UGT1A10: variants seen among roughly 807,000 people sequenced by gnomAD.
UGT1A10 encodes UDP-glucuronosyltransferase 1A10.
A neutral mutation model predicts 45.8 loss-of-function variants in UGT1A10; 49 were observed. The observed-to-expected ratio is 1.07, with a 90% CI of 0.85 to 1.36. The LOEUF (loss-of-function observed/expected upper bound fraction) is 1.36, where lower values mean the gene tolerates loss of function less well. UGT1A10 is among the 40% of genes most tolerant of loss of function. The pLI, the probability that UGT1A10 is intolerant of heterozygous loss-of-function variation, is 0.00. For missense variants in UGT1A10, 745 were observed against 668.6 expected (o/e 1.11, Z -1.26); for synonymous variants, 284 against 249.7 (o/e 1.14, Z -1.29).
rs1402527560 is a variant in UGT1A10, at chr2:233,772,791, CAT to C, written c.*233_*234del. On this transcript the variant is annotated 3_prime_UTR_variant, in exon 5 of 5. Transcript: ENST00000344644. Reference sequence around the variant, plus strand: ...CCTCTGGTGTCTTTGATCAGGATGACATGTGCCATTTTTCAGAGGACGTGCAG... The same window carrying C: ...CCTCTGGTGTCTTTGATCAGGATGACGTGCCATTTTTCAGAGGACGTGCAG... The C allele has an allele frequency of 3.3e-6, 4 of 1,224,574 alleles. No homozygotes were observed. The highest frequency in any genetic ancestry group is 1.7e-5 in the South Asian group (1 of 59,936). The allele number at this position is 1,224,574 out of a possible 1,614,324, so 75.9% of individuals were successfully genotyped here. A position where few individuals can be genotyped will look rare whatever the true frequency, so the allele number is the denominator to read the frequency against.
chr2:233,693,624 A>C, intron 1 of UGT1A10: 1 of 1,614,160 alleles, frequency 6.2e-7, no homozygotes, highest in Non-Finnish European at 8.5e-7. Context: ...ACTTTTTCCC[A>C]ACGAGTGGCC....
intron 1 of UGT1A10, among the ~76,000 whole-genome samples, chr2:233,745,661 A>G (rs1429589845): frequency 6.6e-6 from 1 of 151,454 alleles, no homozygotes; most frequent in East Asian, 1.9e-4. Context: ...CAGTGTGAAC[A>G]AAGCAATTTG....
intron 1 of UGT1A10, among the ~76,000 whole-genome samples, chr2:233,746,867 A>G (rs1013887537): frequency 6.6e-6 from 1 of 151,064 alleles, no homozygotes; most frequent in Non-Finnish European, 1.5e-5. Context: ...CAGCCTGATA[A>G]ACGTGGTTAA....
rs751560477 is a variant in UGT1A10 at position 233,754,882 on chromosome 2, G to T, written c.856-12152G>T. 3 of 1,352,084 alleles carry T rather than the reference G, an allele frequency of 2.2e-6. No homozygotes were observed. The African/African-American group carries it at 4.4e-5, about 20-fold the overall frequency. The allele number at this position is 1,352,084 out of a possible 1,614,324, so 83.8% of individuals were successfully genotyped here. On this transcript the variant is annotated intron_variant, in intron 1 of 4. Transcript: ENST00000344644. ...GCAGACCCTCTGCTTCTGCTTCCCA[G>T]GGAGTTCCTCTGACCCCCCAAAATA...
chr2:233,704,968 T>A (rs2075815720), intron 1 of UGT1A10, among the ~76,000 whole-genome samples: 1 of 152,042 alleles, frequency 6.6e-6, no homozygotes, highest in South Asian at 2.1e-4. Flanking sequence ...AAACCCCATC[T>A]CTACTTAAAA....
chr2:233,719,115 G>C lies in UGT1A10; in HGVS notation c.856-47919G>C, dbSNP rs774010631. 3.5e-5 allele frequency: 57 copies of C among 1,614,126 alleles called. No homozygotes were observed. Among genetic ancestry groups the C allele is most frequent in the Non-Finnish European group, 4.5e-5 (53 of 1,180,048 alleles). The stretch of plus-strand genomic sequence containing the variant: ...TCGCGTTACGCTGGGCTACACTCAA[G>C]GGTTCTTTGAAACAGAACATCTTCT... On this transcript the variant is annotated intron_variant, in intron 1 of 4. Transcript: ENST00000344644.
At chr2:233,656,025 G>A (rs982162935) in intron 1 of UGT1A10, among the ~76,000 whole-genome samples, 5 of 152,036 alleles carry the variant, frequency 3.3e-5, no homozygotes, top group Non-Finnish European at 7.4e-5. Flanking sequence ...CATGACCTCT[G>A]GCAAATACCA....
chr2:233,750,287 A>AT (rs1158037876), intron 1 of UGT1A10, among the ~76,000 whole-genome samples: 1 of 151,952 alleles, frequency 6.6e-6, no homozygotes, highest in Non-Finnish European at 1.5e-5. Context: ...GACTGGTGGC[A>AT]TTTTGCCCCT....
In UGT1A10 at chr2:233,637,093, C is replaced by T; in HGVS notation, c.571C>T (p.Pro191Ser). 4 of 1,613,910 alleles carry T rather than the reference C, an allele frequency of 2.5e-6. No homozygotes were observed. Among genetic ancestry groups the T allele is most frequent in the Non-Finnish European group, 3.4e-6 (4 of 1,179,860 alleles). The stretch of plus-strand genomic sequence containing the variant: ...GTGCCCTGCTCCTCTTTCCTATGTC[C>T]CCAATGATCTCTTAGGGTTCTCAGA... ...AQCPAPLSYV[P>S]NDLLGFSDAM... Residue 191 changes from proline to serine, a missense_variant, in exon 1 of 5, where the codon CCC (proline) becomes TCC (serine). By Grantham distance (74) the Pro-to-Ser change is moderately conservative. Transcript: ENST00000344644.
At chr2:233,698,855 T>C (rs2075465931) in intron 1 of UGT1A10, among the ~76,000 whole-genome samples, 1 of 152,252 alleles carries the variant, frequency 6.6e-6, no homozygotes, top group Non-Finnish European at 1.5e-5. Context: ...TATTCCCATG[T>C]TGGTGTGACT....
intron 1 of UGT1A10, chr2:233,748,062 A>T: frequency 6.2e-7 from 1 of 1,613,436 alleles, no homozygotes; most frequent in South Asian, 1.1e-5. Context: ...CTGTGCCAAC[A>T]GGAAGCCACT....
intron 1 of UGT1A10, among the ~76,000 whole-genome samples, chr2:233,654,531 A>C (rs2073812315): frequency 6.6e-6 from 1 of 152,384 alleles, no homozygotes; most frequent in South Asian, 2.1e-4. Context: ...CGTTTTCTGC[A>C]GTTGATTATA....
intron 1 of UGT1A10, chr2:233,713,287 C>T (rs28946880): frequency 3.7e-6 from 6 of 1,614,228 alleles, no homozygotes; most frequent in Non-Finnish European, 5.1e-6. Context: ...CACACTCAAT[C>T]GTTCTTTGAA....
At chr2:233,688,902 G>A (rs1305603391) in intron 1 of UGT1A10, among the ~76,000 whole-genome samples, 1 of 152,140 alleles carries the variant, frequency 6.6e-6, no homozygotes, top group African/African-American at 2.4e-5. Context: ...AGAAGTTGGG[G>A]GGATGGTGTG....
intron 1 of UGT1A10, among the ~76,000 whole-genome samples, chr2:233,748,852 G>A (rs1236663773): frequency 6.6e-6 from 1 of 151,452 alleles, no homozygotes; most frequent in Non-Finnish European, 1.5e-5. Flanking sequence ...GAGCGTATAA[G>A]CCCAGTTAAG....
chr2:233,719,540 G>C (rs1488835292), intron 1 of UGT1A10: 11 of 1,613,770 alleles, frequency 6.8e-6, no homozygotes, highest in Non-Finnish European at 8.5e-6. Context: ...AGCTTTTTCA[G>C]AGAGAGGTGT....
chr2:233,651,723 G>A (rs2073746030), intron 1 of UGT1A10, among the ~76,000 whole-genome samples: 1 of 152,170 alleles, frequency 6.6e-6, no homozygotes, highest in South Asian at 2.1e-4. Flanking sequence ...GACAACAGGA[G>A]TCATAGTCTG....
At chr2:233,730,970 C>A (rs1362150933) in intron 1 of UGT1A10, among the ~76,000 whole-genome samples, 1 of 152,154 alleles carries the variant, frequency 6.6e-6, no homozygotes. Context: ...ACTCTGGGAC[C>A]TGAATATTGT....
intron 1 of UGT1A10, among the ~76,000 whole-genome samples, chr2:233,711,601 C>T (rs185037582): frequency 2.0e-5 from 3 of 152,298 alleles, no homozygotes; most frequent in Admixed American, 1.3e-4. Context: ...TTCCTGCCTG[C>T]GCCCTCTGGT....
Sources: gnomAD v4.1 joint callset for allele counts (sites outside exome capture counted in the v4.1 genomes callset) on GRCh38, gnomAD v4.1.1 for gene constraint, MANE v1.5 for transcripts, NCBI Gene and HGNC (gene_info 2026-07-23, HGNC 2026-07-21) for gene names.